Variants in COL4A3 observed in about 807,000 individuals in gnomAD.
COL4A3 encodes collagen type IV alpha 3 chain.
COL4A3 carries 135 observed loss-of-function variants against 217.4 expected under a neutral mutation model. The ratio of observed to expected loss-of-function variants is 0.62; its 90% CI spans 0.54 to 0.72. COL4A3 has a LOEUF of 0.72. COL4A3 is among the 30% of genes least tolerant of loss of function. COL4A3 has a pLI of 0.00. For synonymous variants in COL4A3, 690 were observed against 736.3 expected (o/e 0.94, Z 1.02); for missense variants, 1,868 against 2,119.9 (o/e 0.88, Z 2.33).
chr2:227,304,202 GT>G, intron 46 of COL4A3, 58 bp downstream of exon 46: 1 of 1,606,104 alleles, frequency 6.2e-7, no homozygotes, highest in South Asian at 1.1e-5. Flanking sequence ...CAAAATACCT[GT>G]AAACTGCTTT....
chr2:227,302,186 T>C (rs1574831174), intron 43 of COL4A3, among the ~76,000 whole-genome samples: 1 of 152,276 alleles, frequency 6.6e-6, no homozygotes, highest in East Asian at 1.9e-4. Flanking sequence ...GCTTAGATTA[T>C]TGCATCCTTG....
At chr2:227,167,109 A>G (rs1356411728) in intron 1 of COL4A3, among the ~76,000 whole-genome samples, 1 of 152,268 alleles carries the variant, frequency 6.6e-6, no homozygotes, top group Admixed American at 6.5e-5. Flanking sequence ...AAAACTTTAC[A>G]AAAACATAGT....
intron 26 of COL4A3, among the ~76,000 whole-genome samples, 153 bp from the exon 27 acceptor site, chr2:227,276,232 C>T (rs964829765): frequency 4.6e-5 from 7 of 152,178 alleles, no homozygotes; most frequent in African/African-American, 1.7e-4. Context: ...ATGGGCTGGT[C>T]GTCCTTAAGC....
intron 5 of COL4A3, chr2:227,245,580 G>A: frequency 2.9e-6 from 1 of 344,116 alleles, no homozygotes; most frequent in South Asian, 2.6e-5. Context: ...GGATAGGATA[G>A]GGTAGAATGA....
chr2:227,259,803 A>G lies in COL4A3; in HGVS notation c.1040A>G (p.Tyr347Cys), dbSNP rs1485715311. The G allele has an allele frequency of 1.2e-6, 2 of 1,611,522 alleles. No homozygotes were observed. The highest frequency in any genetic ancestry group is 1.7e-6 in the Non-Finnish European group (2 of 1,177,738). Residue 347 changes from tyrosine to cysteine, a missense_variant, in exon 19 of 52, where the codon TAT becomes TGT. Coordinates refer to ENST00000396578, the MANE Select transcript of COL4A3 (RefSeq NM_000091.5). ...PPGFRGPTEY[Y>C]DTYQEKGDEG... is the part of the protein sequence containing the mutation. ...TCTTTCTCCTCTAAGACAGAATATT[A>G]TGACACATACCAGGAAAAGGGAGAT...
At chr2:227,194,184 A>G (rs1440154864) in intron 1 of COL4A3, among the ~76,000 whole-genome samples, 1 of 152,212 alleles carries the variant, frequency 6.6e-6, no homozygotes, top group Non-Finnish European at 1.5e-5. Flanking sequence ...TCAGCATCCC[A>G]ATAAGAAACC....
At chr2:227,199,638 T>C (rs2091749) in intron 1 of COL4A3, among the ~76,000 whole-genome samples, 1,587 of 152,284 alleles carry the variant, frequency 0.01, 26 homozygotes, top group African/African-American at 0.034. Context: ...TTGTCGTCCA[T>C]AACCCACAGG....
At chr2:227,201,197 A>G (rs773332867) in intron 1 of COL4A3, among the ~76,000 whole-genome samples, 17 of 152,218 alleles carry the variant, frequency 1.1e-4, no homozygotes, top group Non-Finnish European at 1.5e-4. Flanking sequence ...TTTACTTAGC[A>G]TCTGTGTAAA....
chr2:227,165,727 G>A (rs930094028), intron 1 of COL4A3, among the ~76,000 whole-genome samples: 2 of 152,122 alleles, frequency 1.3e-5, no homozygotes, highest in South Asian at 2.1e-4. Context: ...GGAAATTAAC[G>A]GTCACATAAA....
At chr2:227,256,580 T>C (rs2070192244) in intron 17 of COL4A3, 184 bp downstream of exon 17, 1 of 759,720 alleles carries the variant, frequency 1.3e-6, no homozygotes, top group African/African-American at 1.7e-5. Flanking sequence ...AAGGGTGTTC[T>C]TGAGGAAAAG....
rs1367127790 is a variant in COL4A3 at position 227,244,941 on chromosome 2, A to G, written c.280-10A>G. On this transcript the variant is annotated splice_polypyrimidine_tract_variant and intron_variant, in intron 4 of 51. Transcript: ENST00000396578. ...TTTTTGCCACCCCCTCCTTTTTCCT[A>G]TGTCTTCAGGGAATAAGTGGATTGC... is the stretch of plus-strand genomic sequence containing the variant. The G allele has an allele frequency of 3.7e-6, 6 of 1,611,244 alleles. No homozygotes were observed. Among genetic ancestry groups the G allele is most frequent in the East Asian group, 2.2e-5 (1 of 44,752 alleles).
At chr2:227,246,242 TC>T in intron 6 of COL4A3, 1 of 582,998 alleles carries the variant, frequency 1.7e-6, no homozygotes. Flanking sequence ...AACTTGGAGC[TC>T]AACTGGTTGT....
rs200614219 is a variant in COL4A3 at position 227,288,951 on chromosome 2, GTTT to G, written c.2882-184_2882-182del. Among the ~76,000 whole-genome samples the G allele has an allele frequency of 8.2e-5, 11 of 133,374 alleles. No individual in the cohort carries two copies. The East Asian group carries it at 1.3e-3, about 16-fold the overall frequency. 87.5% of individuals were successfully genotyped at this position (133,374 alleles called of 152,430 possible). A position where few individuals can be genotyped will look rare whatever the true frequency, so the allele number is the denominator to read the frequency against. ...TTTGATGCCTGGTTTTTTGTTTTGGGTTTTTTTTTTTTTTTTTGAGATGGAGTC... is the reference window on the plus strand; with the variant it reads ...TTTGATGCCTGGTTTTTTGTTTTGGGTTTTTTTTTTTTTTGAGATGGAGTC... On this transcript the variant is annotated intron_variant, in intron 34 of 51. Transcript: ENST00000396578.
chr2:227,294,924 C>G, intron 39 of COL4A3, 40 bp from the exon 40 acceptor site: 1 of 1,453,072 alleles, frequency 6.9e-7, no homozygotes, highest in Non-Finnish European at 9.6e-7. Flanking sequence ...TTTTTGTATA[C>G]CATAGTTTGG....
chr2:227,200,034 T>C (rs1230817751), intron 1 of COL4A3, among the ~76,000 whole-genome samples: 2 of 152,114 alleles, frequency 1.3e-5, no homozygotes, highest in African/African-American at 4.8e-5. Flanking sequence ...GGAAAAAACA[T>C]AGAGATAGCT....
chr2:227,229,659 C>T (rs538370340), intron 1 of COL4A3, among the ~76,000 whole-genome samples: 1 of 152,260 alleles, frequency 6.6e-6, no homozygotes, highest in South Asian at 2.1e-4. Flanking sequence ...GTGCAGGGTA[C>T]CAGGCAGGCT....
intron 1 of COL4A3, among the ~76,000 whole-genome samples, chr2:227,233,199 A>C (rs890512842): frequency 6.6e-6 from 1 of 152,112 alleles, no homozygotes; most frequent in African/African-American, 2.4e-5. Flanking sequence ...TTTTTAGTAG[A>C]GACAGGGTTC....
At chr2:227,303,562 T>C (rs546788272) in intron 44 of COL4A3, among the ~76,000 whole-genome samples, 2 of 152,340 alleles carry the variant, frequency 1.3e-5, no homozygotes, top group East Asian at 3.9e-4. Context: ...AATTGGTTTC[T>C]GAACTCAAAA....
chr2:227,256,357 CA>C lies in COL4A3; in HGVS notation c.949del (p.Arg317GlyfsTer6). 6.2e-7 allele frequency: 1 copy of C among 1,613,634 alleles called. No homozygotes were observed. Among genetic ancestry groups the C allele is most frequent in the Non-Finnish European group, 8.5e-7 (1 of 1,179,590 alleles). ...FPGSEGVKGN[R>X]GFPGLMGEDG... ...CTTTTCTTTAGGGAGTCAAGGGCAA[CA>C]GGGGTTTCCCTGGGTTAATGGGTGA... On this transcript the variant is annotated frameshift_variant, in exon 17 of 52. Transcript: ENST00000396578. LOFTEE classifies it high-confidence loss of function.
Sources: gnomAD v4.1 joint callset for allele counts (sites outside exome capture counted in the v4.1 genomes callset) on GRCh38, gnomAD v4.1.1 for gene constraint, MANE v1.5 for transcripts, NCBI Gene and HGNC (gene_info 2026-07-23, HGNC 2026-07-21) for gene names.